The following CFAP20DC variants were observed in gnomAD, a reference collection of about 807,000 sequenced individuals.
The protein encoded by CFAP20DC is CFAP20 domain containing, also known as protein CFAP20DC.
CFAP20DC carries 84 observed loss-of-function variants against 101.7 expected under a neutral mutation model. That is an observed-to-expected ratio of 0.83 (90% CI 0.69 to 0.99). The LOEUF (loss-of-function observed/expected upper bound fraction) is 0.99. Ranked by LOEUF, CFAP20DC falls within the 50% of genes least tolerant of loss-of-function variation. The pLI, the probability that CFAP20DC is intolerant of heterozygous loss-of-function variation, is 0.00. For synonymous variants in CFAP20DC, 359 were observed against 351.2 expected, an observed-to-expected ratio of 1.02 and a Z score of -0.25; for missense variants, 1,007 against 970.3, an observed-to-expected ratio of 1.04 and a Z score of -0.50.
intron 6 of CFAP20DC, among the ~76,000 whole-genome samples, chr3:58,908,920 C>T (rs570475163): frequency 6.6e-6 from 1 of 152,072 alleles, no homozygotes; most frequent in Non-Finnish European, 1.5e-5. Context: ...ATACTATATA[C>T]TTTTAACTAT....
In CFAP20DC at chr3:58,949,249, C is replaced by T. The variant is rs568558896; in HGVS notation, c.279-11487G>A. On this transcript the variant is annotated intron_variant, in intron 4 of 16. Transcript: ENST00000482387. Reference sequence around the variant, plus strand: ...TCAAAAAACCAGCTCCTGGATTCATCGATTTTTTGAAGGTTTTTTTTGTCT... The same window carrying T: ...TCAAAAAACCAGCTCCTGGATTCATTGATTTTTTGAAGGTTTTTTTTGTCT... 4.6e-5 allele frequency among the ~76,000 whole-genome samples: 7 copies of T among 152,142 alleles called. 1 individual carries two copies. In the South Asian group the frequency reaches 1.0e-3, roughly 23 times the overall value.
chr3:58,909,055 G>A, intron 6 of CFAP20DC, among the ~76,000 whole-genome samples: 1 of 152,128 alleles, frequency 6.6e-6, no homozygotes, highest in East Asian at 1.9e-4. Context: ...CCTATTCTGT[G>A]TGATACTATA....
intron 4 of CFAP20DC, among the ~76,000 whole-genome samples, chr3:59,024,026 T>C (rs2093850649): frequency 6.6e-6 from 1 of 152,098 alleles, no homozygotes; most frequent in Admixed American, 6.6e-5. Flanking sequence ...TAAAAAGCAA[T>C]GGATTGGATG....
In CFAP20DC at chr3:59,049,971, G is replaced by GC. The variant is rs1037719060; in HGVS notation, c.-341dup. The GC allele has an allele frequency of 3.4e-6, 1 of 290,110 alleles. No individual in the cohort carries two copies. Among genetic ancestry groups the GC allele is most frequent in the Non-Finnish European group, 6.4e-6 (1 of 155,836 alleles). 18.0% of individuals were successfully genotyped at this position (290,110 alleles called of 1,614,324 possible). ...CCCAGTCGCGGAGCCACAGACAACC[G>GC]CCCGCTGGCCTAGGAAAAGCGGGCG... On this transcript the variant is annotated 5_prime_UTR_variant, in exon 1 of 17. Transcript: ENST00000482387.
intron 4 of CFAP20DC, among the ~76,000 whole-genome samples, chr3:59,032,103 C>A (rs542065553): frequency 6.6e-6 from 1 of 152,310 alleles, no homozygotes; most frequent in Admixed American, 6.5e-5. Context: ...GTTCGGGGAA[C>A]TCCTTCCCCT....
chr3:58,919,512 G>C (rs2107515520), intron 5 of CFAP20DC, among the ~76,000 whole-genome samples: 1 of 152,188 alleles, frequency 6.6e-6, no homozygotes, highest in South Asian at 2.1e-4. Context: ...ATAAATTTTA[G>C]AATTGGTCTG....
chr3:58,860,268 T>C (rs563602503), intron 12 of CFAP20DC, among the ~76,000 whole-genome samples: 2 of 151,220 alleles, frequency 1.3e-5, no homozygotes, highest in South Asian at 2.1e-4. Context: ...CAGAAATATA[T>C]GCTAACAAAA....
chr3:58,751,505 A>C (rs2068570909), intron 16 of CFAP20DC, among the ~76,000 whole-genome samples: 1 of 152,068 alleles, frequency 6.6e-6, no homozygotes, highest in East Asian at 1.9e-4. Flanking sequence ...GGGTGGGAGG[A>C]GAGGGGGCCG....
intron 5 of CFAP20DC, among the ~76,000 whole-genome samples, chr3:58,935,680 C>A (rs2087466954): frequency 6.6e-6 from 1 of 152,122 alleles, no homozygotes; most frequent in Non-Finnish European, 1.5e-5. Flanking sequence ...GGAAAGGATT[C>A]CCTATTTAAT....
chr3:58,931,065 C>A (rs2086592284), intron 5 of CFAP20DC, among the ~76,000 whole-genome samples: 2 of 152,136 alleles, frequency 1.3e-5, no homozygotes, highest in African/African-American at 4.8e-5. Flanking sequence ...TCACTCCCAC[C>A]CGAATACTGC....
At chr3:58,755,012 T>A (rs1290470176) in intron 15 of CFAP20DC, among the ~76,000 whole-genome samples, 1 of 152,142 alleles carries the variant, frequency 6.6e-6, no homozygotes, top group Non-Finnish European at 1.5e-5. Context: ...CCTACAATGA[T>A]AAATAAACCA....
chr3:58,792,042 A>C (rs2072904271), intron 15 of CFAP20DC, among the ~76,000 whole-genome samples: 1 of 152,198 alleles, frequency 6.6e-6, no homozygotes. Context: ...TATAGACAAT[A>C]AATCTTCAAG....
rs2076902136 is a variant in CFAP20DC at position 58,838,695 on chromosome 3, CCTG to C, written c.1972-6809_1972-6807del. On this transcript the variant is annotated intron_variant, in intron 13 of 16. Coordinates refer to ENST00000482387, the MANE Select transcript of CFAP20DC (RefSeq NM_001394063.1). ...ACTTCCATACATTTTGCTGTGATAG[CCTG>C]CTAATTTTCAGAAAGAATTCTCTGA... Among the ~76,000 whole-genome samples the C allele has an allele frequency of 2.6e-5, 4 of 152,230 alleles. No individual in the cohort carries two copies. In the South Asian group the frequency reaches 8.3e-4, roughly 32 times the overall value.
chr3:58,807,444 C>T (rs2074191405), intron 14 of CFAP20DC, among the ~76,000 whole-genome samples: 5 of 152,198 alleles, frequency 3.3e-5, no homozygotes, highest in Admixed American at 3.3e-4. Context: ...GCTGCGGATA[C>T]CCAGGCAAAT....
At chr3:58,786,957 T>A (rs1327368108) in intron 15 of CFAP20DC, among the ~76,000 whole-genome samples, 1 of 151,854 alleles carries the variant, frequency 6.6e-6, no homozygotes, top group African/African-American at 2.4e-5. Context: ...AAATATAGCA[T>A]ATATAGGGTT....
intron 14 of CFAP20DC, among the ~76,000 whole-genome samples, chr3:58,809,728 C>T (rs1020739619): frequency 2.6e-5 from 4 of 151,988 alleles, no homozygotes; most frequent in African/African-American, 9.7e-5. Flanking sequence ...GAAATAGAAA[C>T]ACAAAAAACG....
chr3:58,821,469 C>G (rs2075639760), intron 14 of CFAP20DC, among the ~76,000 whole-genome samples: 1 of 151,954 alleles, frequency 6.6e-6, no homozygotes, highest in Non-Finnish European at 1.5e-5. Context: ...ACAACCCCAT[C>G]AAAAAGTGGG....
chr3:58,754,004 G>C (rs533237563), intron 15 of CFAP20DC, 141 bp from the exon 16 acceptor site: 5 of 594,180 alleles, frequency 8.4e-6, no homozygotes, highest in East Asian at 2.9e-5. Context: ...CAGATGTCCA[G>C]ATATCAATAT....
chr3:59,021,639 C>G (rs758582614), intron 4 of CFAP20DC, among the ~76,000 whole-genome samples: 1 of 152,086 alleles, frequency 6.6e-6, no homozygotes, highest in African/African-American at 2.4e-5. Flanking sequence ...AGCAGCTACA[C>G]AGATTGAACC....
Sources: gnomAD v4.1 joint callset for allele counts (sites outside exome capture counted in the v4.1 genomes callset) on GRCh38, gnomAD v4.1.1 for gene constraint, MANE v1.5 for transcripts, NCBI Gene and HGNC (gene_info 2026-07-23, HGNC 2026-07-21) for gene names.